MID2: variants seen among roughly 807,000 people sequenced by gnomAD.
MID2 encodes midline 2.
MID2 carries 13 observed loss-of-function variants against 46.1 expected under a neutral mutation model. The observed-to-expected ratio is 0.28, with a 90% confidence interval of 0.18 to 0.45. The LOEUF (loss-of-function observed/expected upper bound fraction) is 0.45. Among genes scored for constraint, MID2 ranks in the 20% least tolerant of loss-of-function variants. The probability of loss-of-function intolerance (pLI) is 1.00; values close to 1 mark genes in which losing one functional copy is unlikely to be tolerated. For synonymous variants in MID2, 199 were observed against 212.3 expected (o/e 0.94, Z 0.55); for missense variants, 431 against 575.4 (o/e 0.75, Z 2.57).
intron 5 of MID2, among the ~76,000 whole-genome samples, chrX:107,906,218 C>G (rs1293598857): frequency 8.9e-6 from 1 of 111,759 alleles, no homozygotes; most frequent in Non-Finnish European, 1.9e-5. Flanking sequence ...AAACATTGTT[C>G]AGTATAGTCA....
At position 107,927,670 on chromosome X, in the gene MID2, T is replaced by G. The variant is rs1933207662; in HGVS notation, c.*597T>G. ...ATGCATATTCACTTTATATATTACA[T>G]ATACACAAAAAACTTTTTTTTCCAA... On this transcript the variant is annotated 3_prime_UTR_variant, in exon 10 of 10. Transcript: ENST00000262843. Among the ~76,000 whole-genome samples the G allele has an allele frequency of 4.5e-5, 5 of 112,063 alleles. No homozygotes were observed. In the South Asian group the frequency reaches 1.9e-3, roughly 41 times the overall value.
rs1260372223 is a variant in MID2, at chrX:107,927,953, G to A, written c.*880G>A. Among the ~76,000 whole-genome samples, 1 of 111,526 alleles carries A rather than the reference G, an allele frequency of 9.0e-6. No individual in the cohort carries two copies. The highest frequency in any genetic ancestry group is 1.9e-5 in the Non-Finnish European group (1 of 53,054). On this transcript the variant is annotated 3_prime_UTR_variant, in exon 10 of 10. Coordinates refer to ENST00000262843, the MANE Select transcript of MID2 (RefSeq NM_012216.4). ...GATTTACAGACAAGATTGCACAAGA[G>A]ATGCTGTTGCTGGATAGAAAATTGA...
Position 107,905,536 on chromosome X carries a change from G to A in MID2, c.983G>A (p.Arg328Gln), listed in dbSNP as rs993186566. Residue 328 changes from arginine to glutamine, a missense_variant, in exon 5 of 10, where the codon CGG becomes CAG. By Grantham distance (43) the Arg-to-Gln change is conservative. Transcript: ENST00000262843. Reference sequence around the variant, plus strand: ...GCTAATTGCCGCCAGTGTCTTGAACGGTCAACAGTCCTCATCAACCAAGCT... The same window carrying A: ...GCTAATTGCCGCCAGTGTCTTGAACAGTCAACAGTCCTCATCAACCAAGCT... ...QVANCRQCLE[R>Q]STVLINQAEH... The A allele has an allele frequency of 3.3e-6, 4 of 1,205,330 alleles. No homozygotes were observed. Among genetic ancestry groups the A allele is most frequent in the Non-Finnish European group, 4.5e-6 (4 of 892,009 alleles).
At chrX:107,899,708 A>G (rs183997740) in intron 3 of MID2, among the ~76,000 whole-genome samples, 8 of 110,572 alleles carry the variant, frequency 7.2e-5, no homozygotes, top group Admixed American at 5.8e-4. Context: ...TAGGTTGCCA[A>G]GATTGACCTA....
intron 5 of MID2, among the ~76,000 whole-genome samples, chrX:107,915,504 A>G (rs1318226201): frequency 9.1e-6 from 1 of 109,935 alleles, no homozygotes; most frequent in Non-Finnish European, 1.9e-5. Context: ...ATTGCAGTGA[A>G]CTGAGATGGC....
intron 3 of MID2, among the ~76,000 whole-genome samples, chrX:107,890,191 G>A (rs892271372): frequency 1.7e-4 from 19 of 112,112 alleles, no homozygotes; most frequent in Admixed American, 1.6e-3. Flanking sequence ...GAGGAAAGGC[G>A]CTCTGATTTT....
intron 9 of MID2, 24 bp downstream of exon 9, chrX:107,926,325 T>C: frequency 8.9e-7 from 1 of 1,127,952 alleles, no homozygotes; most frequent in Non-Finnish European, 1.2e-6. Flanking sequence ...ATTTTCCTTT[T>C]CTTTTCTGTC....
Position 107,826,363 on chromosome X carries a change from G to T in MID2, c.-64G>T. 2 of 1,113,190 alleles carry T rather than the reference G, an allele frequency of 1.8e-6. No homozygotes were observed. The highest frequency in any genetic ancestry group is 4.1e-5 in the South Asian group (2 of 48,653). 91.7% of individuals were successfully genotyped at this position (1,113,190 alleles called of 1,213,427 possible). A position where few individuals can be genotyped will look rare whatever the true frequency, so the allele number is the denominator to read the frequency against. On this transcript the variant is annotated 5_prime_UTR_variant, in exon 1 of 10. Coordinates refer to ENST00000262843, the MANE Select transcript of MID2 (RefSeq NM_012216.4). ...GCCGGAGCCCGAGCCAACCCGCTGC[G>T]GAGGCAGACGAGAGCCCAGCGCCCT...
chrX:107,912,182 A>G (rs993026009), intron 5 of MID2, among the ~76,000 whole-genome samples: 1 of 111,706 alleles, frequency 9.0e-6, no homozygotes, highest in Non-Finnish European at 1.9e-5. Flanking sequence ...CTAGCTTCCA[A>G]ACATTTGTTG....
At chrX:107,894,226 G>C (rs1284215707) in intron 3 of MID2, among the ~76,000 whole-genome samples, 1 of 110,839 alleles carries the variant, frequency 9.0e-6, no homozygotes, top group Non-Finnish European at 1.9e-5. Context: ...CACATGGCTT[G>C]GTACACGAAT....
At chrX:107,857,673 C>G (rs1239709852) in intron 3 of MID2, among the ~76,000 whole-genome samples, 1 of 112,022 alleles carries the variant, frequency 8.9e-6, no homozygotes, top group Non-Finnish European at 1.9e-5. Flanking sequence ...TCAGGACAAA[C>G]CTCAGGATTA....
rs139158123 is a variant in MID2, at chrX:107,830,226, C to A, written c.4+3796C>A. On this transcript the variant is annotated intron_variant, in intron 1 of 9. Transcript: ENST00000262843. ...GTCTTTTCAGACAGGGACACAGAGC[C>A]CTTAAAAGGGTGAAGACAGGGCTGT... 8.3e-4 allele frequency among the ~76,000 whole-genome samples: 93 copies of A among 112,333 alleles called. 2 individuals are homozygous for A. The highest frequency in any genetic ancestry group is 5.6e-3 in the Admixed American group (60 of 10,691).
chrX:107,850,676 A>G (rs1931592299), intron 2 of MID2, among the ~76,000 whole-genome samples: 1 of 112,197 alleles, frequency 8.9e-6, no homozygotes, highest in Admixed American at 9.5e-5. Context: ...GCAAATTGCT[A>G]GGGGCAAACT....
chrX:107,918,064 C>T (rs1001903352), intron 7 of MID2, among the ~76,000 whole-genome samples: 25 of 111,774 alleles, frequency 2.2e-4, no homozygotes, highest in African/African-American at 7.2e-4. Flanking sequence ...TGTTCAAAGA[C>T]TTTTCCTTTA....
At chrX:107,850,777 G>C (rs372426529) in intron 2 of MID2, among the ~76,000 whole-genome samples, 4 of 111,745 alleles carry the variant, frequency 3.6e-5, no homozygotes, top group African/African-American at 1.3e-4. Flanking sequence ...TTTGTTTTCA[G>C]TGGCTTTATA....
intron 3 of MID2, chrX:107,894,862 T>A (rs770075376): frequency 1.2e-3 from 43 of 36,182 alleles, no homozygotes; most frequent in African/African-American, 3.0e-3. Flanking sequence ...TGTGTGTGTG[T>A]GTGAAAGAGA....
intron 7 of MID2, among the ~76,000 whole-genome samples, chrX:107,918,784 G>A (rs768887988): frequency 1.8e-5 from 2 of 112,107 alleles, no homozygotes; most frequent in Admixed American, 9.5e-5. Context: ...AAGTCTTAGC[G>A]CCAACAACTG....
chrX:107,836,468 G>T (rs1278588721), intron 1 of MID2, among the ~76,000 whole-genome samples: 3 of 111,020 alleles, frequency 2.7e-5, no homozygotes, highest in Non-Finnish European at 5.7e-5. Context: ...GGCCAGGATG[G>T]TCTCGATCTC....
At chrX:107,869,557 A>T (rs1300552408) in intron 3 of MID2, among the ~76,000 whole-genome samples, 2 of 111,752 alleles carry the variant, frequency 1.8e-5, no homozygotes, top group Non-Finnish European at 1.9e-5. Flanking sequence ...GAAGAAAGAC[A>T]TTCCTATGAT....
Sources: allele counts gnomAD v4.1 joint callset (sites outside exome capture counted in the v4.1 genomes callset), GRCh38; gene constraint gnomAD v4.1.1; transcripts MANE v1.5; gene names NCBI Gene and HGNC (gene_info 2026-07-23, HGNC 2026-07-21).